Variants in IMPG1 observed in about 807,000 individuals in gnomAD.
The protein encoded by IMPG1 is interphotoreceptor matrix proteoglycan of 150 kDa.
In IMPG1, 85 loss-of-function variants were observed where a neutral mutation model predicts 92.0. That is an observed-to-expected ratio of 0.92 (90% confidence interval 0.78 to 1.11). The LOEUF is 1.11. Among genes scored for constraint, IMPG1 ranks in the 50% least tolerant of loss-of-function variants. IMPG1 has a pLI of 0.00. For missense variants in IMPG1, 1,022 were observed against 956.0 expected, an observed-to-expected ratio of 1.07 and a Z score of -0.91; for synonymous variants, 367 against 334.1, an observed-to-expected ratio of 1.10 and a Z score of -1.08.
At chr6:76,011,121 A>T (rs1442596244) in intron 8 of IMPG1, 45 bp downstream of exon 8, 1 of 1,036,956 alleles carries the variant, frequency 9.6e-7, no homozygotes. Context: ...AAGGATAGGA[A>T]GAAAGTAATT....
chr6:76,022,333 G>T (rs113892912), intron 5 of IMPG1, 114 bp from the exon 6 acceptor site: 2 of 516,568 alleles, frequency 3.9e-6, no homozygotes, highest in African/African-American at 3.9e-5. Flanking sequence ...CAGATATTAG[G>T]TGCCTTCTGA....
chr6:76,034,644 C>T lies in IMPG1; in HGVS notation c.445G>A (p.Glu149Lys). 2.5e-6 allele frequency: 4 copies of T among 1,614,088 alleles called. No individual in the cohort carries two copies. The highest frequency in any genetic ancestry group is 2.5e-6 in the Non-Finnish European group (3 of 1,180,000). The stretch of plus-strand genomic sequence containing the variant: ...ACCTGCTGGAGAAGATCCAGGTGCT[C>T]CTGGGAATTGCTGAAGTTTTTTCCA... ...DIGKNFSNSQ[E>K]HLDLLQQRIK... is the part of the protein sequence containing the mutation. Residue 149 changes from glutamate (E) to lysine (K), a missense_variant, in exon 3 of 17, where the codon GAG becomes AAG. Physicochemically the swap from Glu to Lys is moderately conservative, Grantham distance 56. Coordinates refer to ENST00000369950, the MANE Select transcript of IMPG1 (RefSeq NM_001563.4).
chr6:75,991,038 G>A (rs1296344072), intron 12 of IMPG1, among the ~76,000 whole-genome samples: 6 of 152,106 alleles, frequency 3.9e-5, no homozygotes, highest in South Asian at 2.1e-4. Context: ...AGTCTCACAG[G>A]TGGCTTTGTC....
At chr6:76,059,218 G>C (rs528003122) in intron 1 of IMPG1, among the ~76,000 whole-genome samples, 2 of 151,974 alleles carry the variant, frequency 1.3e-5, no homozygotes, top group Non-Finnish European at 1.5e-5. Flanking sequence ...TATTTTTGAG[G>C]GGGGTGGTTT....
chr6:76,043,478 C>T (rs944433808), intron 1 of IMPG1, among the ~76,000 whole-genome samples: 5 of 100,736 alleles, frequency 5.0e-5, no homozygotes, highest in East Asian at 2.3e-4. Context: ...CTCAGAGTGC[C>T]CTGTGTTCCT....
chr6:76,065,372 G>T (rs964619194), intron 1 of IMPG1, among the ~76,000 whole-genome samples: 1 of 151,746 alleles, frequency 6.6e-6, no homozygotes, highest in Non-Finnish European at 1.5e-5. Context: ...TTACTAAAGA[G>T]ATAAATATTT....
intron 4 of IMPG1, among the ~76,000 whole-genome samples, chr6:76,026,355 C>T (rs1329490714): frequency 6.6e-6 from 1 of 152,208 alleles, no homozygotes; most frequent in East Asian, 1.9e-4. Flanking sequence ...GACTCAAATC[C>T]TCTCGCTGTT....
At chr6:76,062,495 T>C (rs1329973637) in intron 1 of IMPG1, among the ~76,000 whole-genome samples, 1 of 152,174 alleles carries the variant, frequency 6.6e-6, no homozygotes, top group Non-Finnish European at 1.5e-5. Context: ...TAAATACACA[T>C]ACCTAGAAAA....
At chr6:76,064,704 A>C (rs1784277405) in intron 1 of IMPG1, among the ~76,000 whole-genome samples, 1 of 152,150 alleles carries the variant, frequency 6.6e-6, no homozygotes, top group African/African-American at 2.4e-5. Context: ...CATTCCATAG[A>C]TCAGCCCATT....
intron 4 of IMPG1, among the ~76,000 whole-genome samples, chr6:76,026,938 T>G (rs1170243198): frequency 6.6e-6 from 1 of 152,220 alleles, no homozygotes; most frequent in Non-Finnish European, 1.5e-5. Context: ...AATATCTGCA[T>G]GTTTTTCTAA....
chr6:76,034,647 G>A lies in IMPG1; in HGVS notation c.442C>T (p.Gln148Ter). The part of the protein sequence containing the change: ...FDIGKNFSNS[Q>*]EHLDLLQQRI... ...TGCTGGAGAAGATCCAGGTGCTCCT[G>A]GGAATTGCTGAAGTTTTTTCCAATG... is the stretch of plus-strand genomic sequence containing the variant. Residue 148 changes from glutamine (Q) to a stop codon, truncating the protein, a stop_gained, in exon 3 of 17, where the codon CAG becomes TAG. Coordinates refer to ENST00000369950, the MANE Select transcript of IMPG1 (RefSeq NM_001563.4). LOFTEE classifies it high-confidence loss of function. The A allele has an allele frequency of 1.2e-6, 2 of 1,614,148 alleles. No homozygotes were observed. Among genetic ancestry groups the A allele is most frequent in the Non-Finnish European group, 1.7e-6 (2 of 1,180,006 alleles).
chr6:76,045,577 A>T (rs1399156998), intron 1 of IMPG1, among the ~76,000 whole-genome samples: 1 of 151,452 alleles, frequency 6.6e-6, no homozygotes. Context: ...TCTTTTGTCT[A>T]TGCCTCTGCC....
At chr6:75,961,844 C>T (rs1040181955) in intron 12 of IMPG1, among the ~76,000 whole-genome samples, 1 of 152,128 alleles carries the variant, frequency 6.6e-6, no homozygotes, top group East Asian at 1.9e-4. Context: ...AAGACATTTT[C>T]AAGCACACAG....
At chr6:75,964,772 A>C (rs975435026) in intron 12 of IMPG1, among the ~76,000 whole-genome samples, 5 of 152,242 alleles carry the variant, frequency 3.3e-5, no homozygotes, top group Non-Finnish European at 5.9e-5. Flanking sequence ...GCAAAACTAT[A>C]GCATAATATC....
chr6:76,003,380 A>C (rs113867828), intron 11 of IMPG1, among the ~76,000 whole-genome samples: 31 of 152,340 alleles, frequency 2.0e-4, no homozygotes, highest in African/African-American at 6.5e-4. Flanking sequence ...ACATAGGTTT[A>C]AATTAAATAC....
At chr6:75,975,447 G>A (rs928960019) in intron 12 of IMPG1, among the ~76,000 whole-genome samples, 2 of 152,186 alleles carry the variant, frequency 1.3e-5, no homozygotes, top group Non-Finnish European at 2.9e-5. Flanking sequence ...CCAATGGAAT[G>A]TTGAGTATCA....
chr6:76,027,720 C>G (rs1420597889), intron 4 of IMPG1, among the ~76,000 whole-genome samples: 3 of 152,036 alleles, frequency 2.0e-5, no homozygotes, highest in African/African-American at 7.2e-5. Flanking sequence ...GAGATAAAAC[C>G]ATAACAAAAT....
At chr6:75,978,196 A>C (rs1301549153) in intron 12 of IMPG1, among the ~76,000 whole-genome samples, 1 of 152,172 alleles carries the variant, frequency 6.6e-6, no homozygotes, top group African/African-American at 2.4e-5. Flanking sequence ...AATGTCAATT[A>C]CTTAATACTC....
intron 4 of IMPG1, among the ~76,000 whole-genome samples, chr6:76,027,177 G>A (rs1436169316): frequency 2.0e-5 from 3 of 152,142 alleles, no homozygotes; most frequent in African/African-American, 7.2e-5. Context: ...TAAAATGAAG[G>A]TGTCATTAAA....
Sources: allele counts gnomAD v4.1 joint callset (sites outside exome capture counted in the v4.1 genomes callset), GRCh38; gene constraint gnomAD v4.1.1; transcripts MANE v1.5; gene names NCBI Gene and HGNC (gene_info 2026-07-23, HGNC 2026-07-21).